Variants in DGKB observed in about 807,000 individuals in gnomAD.
The protein encoded by DGKB is 90 kDa diacylglycerol kinase.
In DGKB, 67 loss-of-function variants were observed where a neutral mutation model predicts 114.3. That is an observed-to-expected ratio of 0.59 (90% CI 0.48 to 0.72). The LOEUF is 0.72. DGKB is among the 30% of genes least tolerant of loss of function. The pLI is 0.00. For synonymous variants in DGKB, 398 were observed against 323.1 expected (o/e 1.23, Z -2.49); for missense variants, 907 against 975.2 (o/e 0.93, Z 0.93).
chr7:14,154,263 A>G (rs1027421741), intron 25 of DGKB, among the ~76,000 whole-genome samples: 21 of 151,182 alleles, frequency 1.4e-4, no homozygotes, highest in Non-Finnish European at 2.2e-4. Flanking sequence ...GAAGCTTTAC[A>G]GGAAAGAAAA....
In DGKB at chr7:14,857,206, G is replaced by GTC. The variant is rs36093995; in HGVS notation, c.-187-15758_-187-15757dup. On this transcript the variant is annotated intron_variant, in intron 1 of 25. Transcript: ENST00000402815. ...CAGCAAGGAAGATCTCTCTCTCTCT[G>GTC]TCTCTCTCTCTCTCTCTCTCTCTCT... 4.0e-3 allele frequency among the ~76,000 whole-genome samples: 593 copies of GTC among 146,556 alleles called. 2 individuals are homozygous for GTC. Among genetic ancestry groups the GTC allele is most frequent in the South Asian group, 9.8e-3 (45 of 4,590 alleles).
intron 13 of DGKB, among the ~76,000 whole-genome samples, chr7:14,653,250 C>T (rs539302428): frequency 1.3e-5 from 2 of 150,426 alleles, no homozygotes; most frequent in East Asian, 4.0e-4. Context: ...GACTTGGAAC[C>T]AACCCAAATG....
chr7:14,786,479 TG>T (rs534034886), intron 2 of DGKB, among the ~76,000 whole-genome samples: 1 of 152,264 alleles, frequency 6.6e-6, no homozygotes, highest in Admixed American at 6.5e-5. Context: ...CTGGCTGCAG[TG>T]GGGAGGCATG....
At chr7:14,826,810 TATA>T (rs1845764063) in intron 2 of DGKB, among the ~76,000 whole-genome samples, 1 of 152,174 alleles carries the variant, frequency 6.6e-6, no homozygotes, top group African/African-American at 2.4e-5. Flanking sequence ...TAATGTGACC[TATA>T]ATAATAAGCT....
intron 23 of DGKB, among the ~76,000 whole-genome samples, chr7:14,299,152 C>G (rs1803076468): frequency 6.6e-6 from 1 of 152,016 alleles, no homozygotes; most frequent in Non-Finnish European, 1.5e-5. Flanking sequence ...AACCAATCCT[C>G]ATAACTCTAT....
At chr7:14,761,171 G>A (rs1835637626) in intron 2 of DGKB, among the ~76,000 whole-genome samples, 1 of 152,072 alleles carries the variant, frequency 6.6e-6, no homozygotes, top group Non-Finnish European at 1.5e-5. Flanking sequence ...GCATTATCTT[G>A]TTTTTGTATT....
intron 21 of DGKB, among the ~76,000 whole-genome samples, chr7:14,403,510 C>T (rs184637474): frequency 1.9e-5 from 1 of 53,414 alleles, no homozygotes; most frequent in African/African-American, 4.1e-5. Context: ...CTTTGGGGAA[C>T]CATTTTCCAT....
chr7:14,857,230 C>CTT (rs894517387), intron 1 of DGKB, among the ~76,000 whole-genome samples: 1 of 95,606 alleles, frequency 1.0e-5, no homozygotes, highest in Non-Finnish European at 2.0e-5. Context: ...CTCTCTCTCT[C>CTT]TTCCACCCAA....
rs145803265 is a variant in DGKB, at chr7:14,240,479, G to A, written c.2123-62328C>T. On this transcript the variant is annotated intron_variant, in intron 23 of 25. Coordinates refer to ENST00000402815, the MANE Select transcript of DGKB (RefSeq NM_001350709.2). ...ATTTTATTTTGGCCTGTGCCATCCT[G>A]GACTCACCTAAGAAACCTTAGTTCA... Among the ~76,000 whole-genome samples, 264 of 152,020 alleles carry A rather than the reference G, an allele frequency of 1.7e-3. 1 individual carries two copies. The highest frequency in any genetic ancestry group is 6.2e-3 in the African/African-American group (257 of 41,494).
intron 23 of DGKB, among the ~76,000 whole-genome samples, chr7:14,333,997 T>C (rs1445379202): frequency 6.6e-6 from 1 of 152,210 alleles, no homozygotes; most frequent in Non-Finnish European, 1.5e-5. Flanking sequence ...GTGTGCTTGA[T>C]ATATAAGCCA....
intron 5 of DGKB, among the ~76,000 whole-genome samples, chr7:14,722,240 A>G (rs1448682606): frequency 6.6e-6 from 1 of 152,066 alleles, no homozygotes; most frequent in African/African-American, 2.4e-5. Flanking sequence ...CTGCCCTAAA[A>G]TATTTCTACT....
At chr7:14,222,672 C>A (rs1790187738) in intron 23 of DGKB, among the ~76,000 whole-genome samples, 1 of 151,424 alleles carries the variant, frequency 6.6e-6, no homozygotes, top group African/African-American at 2.4e-5. Context: ...GATGCTGATA[C>A]ACATACAGTG....
At chr7:14,470,774 T>C (rs1781165336) in intron 21 of DGKB, among the ~76,000 whole-genome samples, 2 of 151,644 alleles carry the variant, frequency 1.3e-5, no homozygotes, top group Admixed American at 6.6e-5. Flanking sequence ...CTTTTTTCAT[T>C]TGTACATTAA....
chr7:14,706,303 C>T (rs1293080585), intron 6 of DGKB, among the ~76,000 whole-genome samples: 1 of 139,534 alleles, frequency 7.2e-6, no homozygotes, highest in Non-Finnish European at 1.6e-5. Flanking sequence ...CAGGAGCACC[C>T]AGATTCATAA....
At chr7:14,680,934 A>G (rs1463056383) in intron 12 of DGKB, among the ~76,000 whole-genome samples, 1 of 152,032 alleles carries the variant, frequency 6.6e-6, no homozygotes, top group East Asian at 1.9e-4. Flanking sequence ...TTTGTAATTT[A>G]TGAAGAATAG....
chr7:14,193,846 GA>G (rs996552306), intron 23 of DGKB, among the ~76,000 whole-genome samples: 2 of 151,848 alleles, frequency 1.3e-5, no homozygotes, highest in Non-Finnish European at 2.9e-5. Context: ...AACTCAATGG[GA>G]AAAAAACCCC....
At chr7:14,373,863 T>C (rs1818070006) in intron 21 of DGKB, among the ~76,000 whole-genome samples, 1 of 152,154 alleles carries the variant, frequency 6.6e-6, no homozygotes, top group South Asian at 2.1e-4. Flanking sequence ...TTTCATTTTT[T>C]CATTTTTCTG....
intron 2 of DGKB, among the ~76,000 whole-genome samples, chr7:14,792,787 T>C (rs1562547973): frequency 6.6e-6 from 1 of 152,154 alleles, no homozygotes; most frequent in Non-Finnish European, 1.5e-5. Context: ...CCCCTGACAT[T>C]TTTTCTATTC....
chr7:14,646,811 G>A (rs1043956707), intron 13 of DGKB, among the ~76,000 whole-genome samples: 8 of 151,736 alleles, frequency 5.3e-5, no homozygotes, highest in Non-Finnish European at 8.8e-5. Flanking sequence ...AAATACCTAT[G>A]GGATAGAGCA....
Sources: allele counts gnomAD v4.1 joint callset (sites outside exome capture counted in the v4.1 genomes callset), GRCh38; gene constraint gnomAD v4.1.1; transcripts MANE v1.5; gene names NCBI Gene and HGNC (gene_info 2026-07-23, HGNC 2026-07-21).